GUCY1A1: variants seen among roughly 807,000 people sequenced by gnomAD.
GUCY1A1 encodes the protein guanylate cyclase soluble subunit alpha-1.
In GUCY1A1, 48 loss-of-function variants were observed where a neutral mutation model predicts 64.5. The observed-to-expected ratio is 0.74, with a 90% CI of 0.59 to 0.95. The LOEUF is 0.95. Ranked by LOEUF, GUCY1A1 falls within the 40% of genes least tolerant of loss-of-function variation. GUCY1A1 has a pLI of 0.00. For synonymous variants in GUCY1A1, 308 were observed against 303.4 expected (o/e 1.02, Z -0.16); for missense variants, 804 against 825.3 (o/e 0.97, Z 0.32).
At chr4:155,728,708 A>G (rs894082068) in intron 9 of GUCY1A1, among the ~76,000 whole-genome samples, 3 of 151,820 alleles carry the variant, frequency 2.0e-5, no homozygotes. Context: ...TGTTACCAAT[A>G]TGATAGGTGT....
At chr4:155,722,847 A>G (rs776178662) in intron 9 of GUCY1A1, among the ~76,000 whole-genome samples, 2 of 152,118 alleles carry the variant, frequency 1.3e-5, no homozygotes, top group Non-Finnish European at 2.9e-5. Context: ...ATCAGAACTT[A>G]TCTCCCTCCA....
In GUCY1A1 at chr4:155,735,454, A is replaced by G. The variant is rs184006771; in HGVS notation, c.*5223A>G. On this transcript the variant is annotated 3_prime_UTR_variant, in exon 10 of 10. Transcript: ENST00000506455. ...ACATTGGGGTAGAAATCAGGACAAA[A>G]TTTAAATGTCATATCCAGGACTTAA... The G allele has an allele frequency of 6.6e-6, 1 of 152,088 alleles. No homozygotes were observed. The highest frequency in any genetic ancestry group is 1.9e-4 in the East Asian group (1 of 5,152). The allele number at this position is 152,088 out of a possible 1,614,324, so 9.4% of individuals were successfully genotyped here. A position where few individuals can be genotyped will look rare whatever the true frequency, so the allele number is the denominator to read the frequency against.
chr4:155,731,134 A>T lies in GUCY1A1; in HGVS notation c.*903A>T, dbSNP rs574186937. 1.3e-5 allele frequency: 2 copies of T among 152,536 alleles called. No individual in the cohort carries two copies. Among genetic ancestry groups the T allele is most frequent in the Non-Finnish European group, 2.9e-5 (2 of 67,854 alleles). The allele number at this position is 152,536 out of a possible 1,614,324, so 9.4% of individuals were successfully genotyped here. A position where few individuals can be genotyped will look rare whatever the true frequency, so the allele number is the denominator to read the frequency against. ...ATCCAGGGGACCCACCATAAAGGACATTGGTAAAACATTTACACACGTAAA... is the reference window on the plus strand; with the variant it reads ...ATCCAGGGGACCCACCATAAAGGACTTTGGTAAAACATTTACACACGTAAA... On this transcript the variant is annotated 3_prime_UTR_variant, in exon 10 of 10. Transcript: ENST00000506455.
intron 2 of GUCY1A1, among the ~76,000 whole-genome samples, chr4:155,688,297 A>T (rs1394776183): frequency 2.0e-5 from 3 of 151,812 alleles, no homozygotes; most frequent in Non-Finnish European, 4.4e-5. Context: ...GTGTGTATGT[A>T]AGTATGTATG....
Position 155,696,875 on chromosome 4 carries a change from G to T in GUCY1A1, c.8G>T (p.Cys3Phe). ...GTAAGAGACACCAACACCATGTTCT[G>T]CACGAAGCTCAAGGATCTCAAGATC... is the stretch of plus-strand genomic sequence containing the variant. Reference protein sequence around the residue: MFCTKLKDLKITG... With the variant: MFFTKLKDLKITG... The change falls in exon 3 of 10, where the codon TGC (cysteine) becomes TTC (phenylalanine). Residue 3 changes from cysteine to phenylalanine, a missense_variant. By Grantham distance (205) the Cys-to-Phe change is radical (BLOSUM62 -2). Coordinates refer to ENST00000506455, the MANE Select transcript of GUCY1A1 (RefSeq NM_001130682.3). 1.2e-6 allele frequency: 2 copies of T among 1,613,512 alleles called. No individual in the cohort carries two copies. Among genetic ancestry groups the T allele is most frequent in the South Asian group, 1.1e-5 (1 of 91,058 alleles).
chr4:155,711,349 G>A (rs1732551535), intron 6 of GUCY1A1, 98 bp downstream of exon 6: 1 of 624,070 alleles, frequency 1.6e-6, no homozygotes, highest in Admixed American at 2.9e-5. Context: ...TCAAATGTTT[G>A]ATAAAACATA....
At chr4:155,702,135 T>G (rs1256486405) in intron 3 of GUCY1A1, among the ~76,000 whole-genome samples, 3 of 152,190 alleles carry the variant, frequency 2.0e-5, no homozygotes, top group African/African-American at 7.2e-5. Flanking sequence ...CTTTTGGAGC[T>G]TCTGTTGTAA....
chr4:155,700,377 G>A (rs1730925180), intron 3 of GUCY1A1, among the ~76,000 whole-genome samples: 1 of 152,086 alleles, frequency 6.6e-6, no homozygotes, highest in South Asian at 2.1e-4. Context: ...TTTATCTTAT[G>A]AATTAAAATA....
In GUCY1A1 at chr4:155,722,282, T is replaced by C. The variant is rs554887892; in HGVS notation, c.1871+90T>C. On this transcript the variant is annotated intron_variant, in intron 9 of 9. Coordinates refer to ENST00000506455, the MANE Select transcript of GUCY1A1 (RefSeq NM_001130682.3). ...ACTGATTTGATTCATTCTTCATAAC[T>C]TTTTTCTTCCTTAGTCGTAAGGAAA... 6.8e-5 allele frequency: 103 copies of C among 1,511,816 alleles called. 2 individuals are homozygous for C. In the South Asian group the frequency reaches 1.3e-3, roughly 20 times the overall value. The allele number at this position is 1,511,816 out of a possible 1,614,324, so 93.7% of individuals were successfully genotyped here.
chr4:155,696,439 C>T (rs1378920702), intron 2 of GUCY1A1, among the ~76,000 whole-genome samples: 1 of 152,098 alleles, frequency 6.6e-6, no homozygotes, highest in East Asian at 1.9e-4. Context: ...TGGTGTTCCA[C>T]TCTTGTGAAA....
Position 155,736,860 on chromosome 4 carries a change from A to G in GUCY1A1, c.*6629A>G, listed in dbSNP as rs1018589637. 1 of 151,544 alleles carries G rather than the reference A, an allele frequency of 6.6e-6. No homozygotes were observed. Among genetic ancestry groups the G allele is most frequent in the Non-Finnish European group, 1.5e-5 (1 of 67,832 alleles). 9.4% of individuals were successfully genotyped at this position (151,544 alleles called of 1,614,324 possible). On this transcript the variant is annotated 3_prime_UTR_variant, in exon 10 of 10. Coordinates refer to ENST00000506455, the MANE Select transcript of GUCY1A1 (RefSeq NM_001130682.3). ...ATAGCTATTGGACCCTGCATTGAAA[A>G]CCTTCTTAGTACTAACAACACTCCT...
chr4:155,715,644 T>G (rs990851629), intron 7 of GUCY1A1, among the ~76,000 whole-genome samples: 1 of 151,784 alleles, frequency 6.6e-6, no homozygotes, highest in Non-Finnish European at 1.5e-5. Context: ...CAGGTAGGGG[T>G]GGGTGTAGGA....
intron 3 of GUCY1A1, among the ~76,000 whole-genome samples, chr4:155,703,295 AG>A (rs1320674290): frequency 2.0e-5 from 3 of 152,240 alleles, no homozygotes; most frequent in Non-Finnish European, 4.4e-5. Context: ...AATCAGTGTA[AG>A]CCAAGGTAAA....
At chr4:155,680,116 T>C (rs781771506) in intron 2 of GUCY1A1, among the ~76,000 whole-genome samples, 3 of 152,318 alleles carry the variant, frequency 2.0e-5, no homozygotes, top group South Asian at 2.1e-4. Context: ...TGGAATTGCA[T>C]TGAATCTATA....
chr4:155,674,972 G>A (rs920560955), intron 2 of GUCY1A1, among the ~76,000 whole-genome samples: 3 of 151,442 alleles, frequency 2.0e-5, no homozygotes, highest in Admixed American at 1.3e-4. Flanking sequence ...ATCTCCACGA[G>A]CATTTCAGTT....
rs542865929 is a variant in GUCY1A1 at position 155,679,138 on chromosome 4, T to C, written c.-113+11719T>C. ...TCTTTTGAAGAGCCAAAGTATTTTTTTTATTTTGATGAAGTCCACTTTATC... is the reference window on the plus strand; with the variant it reads ...TCTTTTGAAGAGCCAAAGTATTTTTCTTATTTTGATGAAGTCCACTTTATC... On this transcript the variant is annotated intron_variant, in intron 2 of 9. Coordinates refer to ENST00000506455, the MANE Select transcript of GUCY1A1 (RefSeq NM_001130682.3). Among the ~76,000 whole-genome samples, 4 of 152,166 alleles carry C rather than the reference T, an allele frequency of 2.6e-5. No individual in the cohort carries two copies. In the South Asian group the frequency reaches 8.3e-4, roughly 32 times the overall value.
chr4:155,676,996 A>G (rs1252063121), intron 2 of GUCY1A1, among the ~76,000 whole-genome samples: 4 of 151,424 alleles, frequency 2.6e-5, no homozygotes, highest in African/African-American at 9.8e-5. Flanking sequence ...ATGACATCAC[A>G]CTGAACTGAG....
intron 9 of GUCY1A1, among the ~76,000 whole-genome samples, chr4:155,725,854 G>A (rs1228946922): frequency 6.6e-6 from 1 of 151,902 alleles, no homozygotes; most frequent in African/African-American, 2.4e-5. Context: ...TGCACATATA[G>A]GTTTTTATAG....
chr4:155,708,061 A>G (rs902118377), intron 4 of GUCY1A1, among the ~76,000 whole-genome samples, 175 bp from the exon 5 acceptor site: 1 of 149,458 alleles, frequency 6.7e-6, no homozygotes, highest in Admixed American at 6.7e-5. Context: ...CTGCTCTTGA[A>G]CTCCTGACCT....
Sources: allele counts gnomAD v4.1 joint callset (sites outside exome capture counted in the v4.1 genomes callset), GRCh38; gene constraint gnomAD v4.1.1; transcripts MANE v1.5; gene names NCBI Gene and HGNC (gene_info 2026-07-23, HGNC 2026-07-21).